HPCAL1: variants seen among roughly 807,000 people sequenced by gnomAD.
The protein encoded by HPCAL1 is hippocalcin-like protein 1.
A neutral mutation model predicts 17.1 loss-of-function variants in HPCAL1; 8 were observed. That is an observed-to-expected ratio of 0.47 (90% CI 0.27 to 0.84). HPCAL1 has a LOEUF of 0.84. Among genes scored for constraint, HPCAL1 ranks in the 40% least tolerant of loss-of-function variants. The pLI is 0.13. For missense variants in HPCAL1, 165 were observed against 271.1 expected (o/e 0.61, Z 2.75); for synonymous variants, 112 against 111.4 (o/e 1.01, Z -0.03).
chr2:10,345,573 C>A (rs943082746), intron 1 of HPCAL1, among the ~76,000 whole-genome samples: 2 of 151,752 alleles, frequency 1.3e-5, no homozygotes, highest in African/African-American at 4.8e-5. Context: ...TCTCCCACCT[C>A]AGCCTCCCAA....
intron 2 of HPCAL1, among the ~76,000 whole-genome samples, chr2:10,407,303 T>C (rs534196658): frequency 6.6e-6 from 1 of 152,284 alleles, no homozygotes. Context: ...AGGAGAGCAC[T>C]TGACCATCCT....
At chr2:10,389,198 T>TA (rs931863747) in intron 1 of HPCAL1, among the ~76,000 whole-genome samples, 1 of 152,148 alleles carries the variant, frequency 6.6e-6, no homozygotes, top group African/African-American at 2.4e-5. Context: ...ACCTGGAAAT[T>TA]ACCACCCTTT....
rs923672762 is a variant in HPCAL1 at position 10,331,171 on chromosome 2, G to A, written c.-111+27994G>A. Among the ~76,000 whole-genome samples, 4 of 152,264 alleles carry A rather than the reference G, an allele frequency of 2.6e-5. No individual in the cohort carries two copies. Among genetic ancestry groups the A allele is most frequent in the African/African-American group, 7.2e-5 (3 of 41,556 alleles). ...GCCTTGCCAAGAGCCTGCAGAGGGC[G>A]GGGCGGGCTCTGGGGACAGCCTGGA... is the stretch of plus-strand genomic sequence containing the variant. On this transcript the variant is annotated intron_variant, in intron 1 of 4. Coordinates refer to ENST00000307845, the MANE Select transcript of HPCAL1 (RefSeq NM_002149.4). This position sits in a 1 kb window ranked among gnomAD's most constrained non-coding sequence, Gnocchi z 5.0.
At position 10,344,805 on chromosome 2, in the gene HPCAL1, TTCTC is replaced by T. The variant is rs1212117176; in HGVS notation, c.-111+41634_-111+41637del. On this transcript the variant is annotated intron_variant, in intron 1 of 4. Transcript: ENST00000307845. This position sits in a 1 kb window ranked among gnomAD's most constrained non-coding sequence, Gnocchi z 4.9. ...TGCCTGACTTTCTGTCTCTTTCTGC[TTCTC>T]TCTCTGTGTCTGTCTCTGTCTCTCT... 2.7e-5 allele frequency among the ~76,000 whole-genome samples: 4 copies of T among 149,288 alleles called. No homozygotes were observed. The highest frequency in any genetic ancestry group is 2.0e-4 in the Admixed American group (3 of 15,004).
chr2:10,388,747 T>G (rs1668492488), intron 1 of HPCAL1, among the ~76,000 whole-genome samples: 1 of 152,204 alleles, frequency 6.6e-6, no homozygotes, highest in Non-Finnish European at 1.5e-5. Flanking sequence ...GGAAGGCCCA[T>G]CTTTGTCACC....
chr2:10,382,024 C>G (rs1048822895), intron 1 of HPCAL1, among the ~76,000 whole-genome samples: 1 of 152,214 alleles, frequency 6.6e-6, no homozygotes, highest in Non-Finnish European at 1.5e-5. Context: ...AACTTGGAGG[C>G]AGCGAAGGTG....
Position 10,363,237 on chromosome 2 carries a change from G to A in HPCAL1, c.-110-33598G>A, listed in dbSNP as rs141778207. On this transcript the variant is annotated intron_variant, in intron 1 of 4. Transcript: ENST00000307845. The surrounding 1 kb of genome is among the most constrained non-coding windows in gnomAD (Gnocchi z 4.7). ...TATTTTTTGTAAATGCATTAGGGGC[G>A]GAGTGGTGGGAGAGTGATTCCCCTG... 1.5e-4 allele frequency among the ~76,000 whole-genome samples: 23 copies of A among 152,256 alleles called. No homozygotes were observed. In the East Asian group the frequency reaches 4.1e-3, roughly 27 times the overall value.
intron 1 of HPCAL1, among the ~76,000 whole-genome samples, chr2:10,321,548 C>T (rs1159823751): frequency 6.6e-6 from 1 of 152,070 alleles, no homozygotes; most frequent in African/African-American, 2.4e-5. Context: ...CAAAGTTGAG[C>T]ACCAGTAGCT....
At chr2:10,425,272 A>T (rs1671334157) in intron 4 of HPCAL1, 1 of 152,624 alleles carries the variant, frequency 6.6e-6, no homozygotes, top group Non-Finnish European at 1.5e-5. Flanking sequence ...GAGGGTGGGG[A>T]GCCACTCTCT....
intron 2 of HPCAL1, among the ~76,000 whole-genome samples, chr2:10,413,918 G>A (rs894409316): frequency 1.3e-5 from 2 of 152,252 alleles, no homozygotes; most frequent in African/African-American, 4.8e-5. Context: ...GAAAAATGCA[G>A]GGGTGCAAAT....
intron 1 of HPCAL1, among the ~76,000 whole-genome samples, chr2:10,381,285 A>C (rs1430647020): frequency 6.6e-6 from 1 of 152,252 alleles, no homozygotes; most frequent in Non-Finnish European, 1.5e-5. Flanking sequence ...TGCTTTGAAC[A>C]ACAGAGACGT....
At chr2:10,356,852 G>A (rs35261556) in intron 1 of HPCAL1, among the ~76,000 whole-genome samples, 29,127 of 152,104 alleles carry the variant, frequency 0.19, 3,042 homozygotes, top group African/African-American at 0.25. Context: ...CCTCCCTGCG[G>A]GGCCACCCAT....
intron 1 of HPCAL1, among the ~76,000 whole-genome samples, chr2:10,319,383 T>A (rs971487341): frequency 2.0e-5 from 3 of 152,172 alleles, no homozygotes; most frequent in Non-Finnish European, 4.4e-5. Context: ...TCTTTTTGTC[T>A]GCCAGGCAGG....
Position 10,362,282 on chromosome 2 carries a change from C to T in HPCAL1, c.-110-34553C>T, listed in dbSNP as rs1410934672. Among the ~76,000 whole-genome samples the T allele has an allele frequency of 2.0e-5, 3 of 151,920 alleles. No homozygotes were observed. Among genetic ancestry groups the T allele is most frequent in the Non-Finnish European group, 4.4e-5 (3 of 67,998 alleles). Reference sequence around the variant, plus strand: ...TCGGAACCCAGGTGTCGAGAATGAGCTGTTGGCACTCAGTCCTGGAGTGGC... The same window carrying T: ...TCGGAACCCAGGTGTCGAGAATGAGTTGTTGGCACTCAGTCCTGGAGTGGC... On this transcript the variant is annotated intron_variant, in intron 1 of 4. Coordinates refer to ENST00000307845, the MANE Select transcript of HPCAL1 (RefSeq NM_002149.4). This position sits in a 1 kb window ranked among gnomAD's most constrained non-coding sequence, Gnocchi z 5.0.
intron 2 of HPCAL1, among the ~76,000 whole-genome samples, chr2:10,409,777 C>CTTTTTT (rs34031495): frequency 3.2e-5 from 2 of 62,506 alleles, no homozygotes; most frequent in East Asian, 6.4e-4. Context: ...GAGCCTCAGT[C>CTTTTTT]TTTTTTTTTT....
In HPCAL1 at chr2:10,395,590, G is replaced by A. The variant is rs10192946; in HGVS notation, c.-110-1245G>A. Among the ~76,000 whole-genome samples the A allele has an allele frequency of 0.016, 2,495 of 152,298 alleles. 81 individuals are homozygous for A. Among genetic ancestry groups the A allele is most frequent in the African/African-American group, 0.058 (2,392 of 41,556 alleles). ...TGTTCTAGGGTGAACAAGCCACTTC[G>A]TCTAGTGGGTGCTTGTAAAGCGGGA... On this transcript the variant is annotated intron_variant, in intron 1 of 4. Coordinates refer to ENST00000307845, the MANE Select transcript of HPCAL1 (RefSeq NM_002149.4). This position sits in a 1 kb window ranked among gnomAD's most constrained non-coding sequence, Gnocchi z 4.4.
chr2:10,413,048 G>C (rs1670453932), intron 2 of HPCAL1, among the ~76,000 whole-genome samples: 1 of 152,206 alleles, frequency 6.6e-6, no homozygotes, highest in African/African-American at 2.4e-5. Flanking sequence ...GGAACCTTAG[G>C]ATGAGCAGGT....
At chr2:10,399,525 G>A (rs74171479) in intron 2 of HPCAL1, among the ~76,000 whole-genome samples, 40,999 of 70,578 alleles carry the variant, frequency 0.58, 10,141 homozygotes, top group East Asian at 0.67. Flanking sequence ...CGCCACCACC[G>A]CCACTGCCAC....
intron 2 of HPCAL1, among the ~76,000 whole-genome samples, chr2:10,400,275 G>A (rs1669517123): frequency 6.6e-6 from 1 of 152,220 alleles, no homozygotes; most frequent in African/African-American, 2.4e-5. Context: ...AGGAAGACAG[G>A]TGCGAGCAGC....
Sources: allele counts gnomAD v4.1 joint callset (sites outside exome capture counted in the v4.1 genomes callset), GRCh38; gene constraint gnomAD v4.1.1; non-coding constraint Gnocchi (gnomAD v3.1); transcripts MANE v1.5; gene names NCBI Gene and HGNC (gene_info 2026-07-23, HGNC 2026-07-21).